The following C8A variants were observed in gnomAD, a reference collection of about 807,000 sequenced individuals.
C8A encodes complement C8 alpha chain, also known as complement component C8 alpha chain.
Under a neutral mutation model 65.3 loss-of-function variants are expected in C8A, and 67 were observed. The observed-to-expected ratio is 1.03, with a 90% CI of 0.84 to 1.26. The LOEUF (loss-of-function observed/expected upper bound fraction) is 1.26, where lower values mean the gene tolerates loss of function less well. C8A is among the 50% of genes most tolerant of loss of function. C8A has a pLI of 0.00. For missense variants in C8A, 781 were observed against 723.9 expected (o/e 1.08, Z -0.90); for synonymous variants, 290 against 259.4 (o/e 1.12, Z -1.13).
intron 7 of C8A, among the ~76,000 whole-genome samples, chr1:56,895,984 T>C (rs544189632): frequency 6.6e-6 from 1 of 152,200 alleles, no homozygotes; most frequent in South Asian, 2.1e-4. Flanking sequence ...TGAATGTGTG[T>C]AGACTGATCA....
intron 5 of C8A, among the ~76,000 whole-genome samples, chr1:56,882,997 T>G (rs1463708844): frequency 6.6e-6 from 1 of 152,154 alleles, no homozygotes; most frequent in Non-Finnish European, 1.5e-5. Flanking sequence ...AGACCATGTC[T>G]CAGTTCAAGA....
intron 5 of C8A, among the ~76,000 whole-genome samples, chr1:56,882,147 T>A (rs1291411992): frequency 6.6e-6 from 1 of 152,160 alleles, no homozygotes; most frequent in African/African-American, 2.4e-5. Context: ...TGTACAAAAA[T>A]GCTTGCAAAT....
chr1:56,908,325 C>CT (rs1644482881), intron 9 of C8A, among the ~76,000 whole-genome samples: 1 of 152,136 alleles, frequency 6.6e-6, no homozygotes, highest in Non-Finnish European at 1.5e-5. Flanking sequence ...AACTGATGAT[C>CT]TAGTCAGTGC....
At chr1:56,909,070 T>G (rs1418483259) in intron 9 of C8A, among the ~76,000 whole-genome samples, 1 of 152,218 alleles carries the variant, frequency 6.6e-6, no homozygotes, top group Non-Finnish European at 1.5e-5. Context: ...TGGCCTCAAG[T>G]GTCAATACTG....
intron 1 of C8A, among the ~76,000 whole-genome samples, chr1:56,867,170 GT>G (rs918325519): frequency 3.3e-5 from 5 of 152,084 alleles, no homozygotes. Context: ...TTTAGGTAAT[GT>G]TTTTTAATGT....
intron 1 of C8A, among the ~76,000 whole-genome samples, chr1:56,857,459 T>G (rs775875340): frequency 2.6e-5 from 4 of 152,024 alleles, no homozygotes; most frequent in Non-Finnish European, 5.9e-5. Context: ...TATGCTTGCT[T>G]TCTTATGATC....
intron 4 of C8A, 113 bp downstream of exon 4, chr1:56,876,322 G>C: frequency 8.2e-7 from 1 of 1,214,760 alleles, no homozygotes; most frequent in Non-Finnish European, 1.2e-6. Context: ...TGGAGTGCAT[G>C]CTGTGAGCTG....
chr1:56,870,156 G>T (rs554803489), intron 2 of C8A, among the ~76,000 whole-genome samples: 1 of 152,142 alleles, frequency 6.6e-6, no homozygotes, highest in African/African-American at 2.4e-5. Flanking sequence ...AAACTTGGTG[G>T]CTTAAAACAA....
intron 7 of C8A, among the ~76,000 whole-genome samples, chr1:56,896,072 TA>T (rs1473807948): frequency 6.6e-6 from 1 of 152,152 alleles, no homozygotes; most frequent in Admixed American, 6.6e-5. Context: ...TGTGCTCTAC[TA>T]ACTATAAAAA....
chr1:56,903,472 C>G (rs935734503), intron 7 of C8A, among the ~76,000 whole-genome samples: 1 of 152,156 alleles, frequency 6.6e-6, no homozygotes, highest in Admixed American at 6.5e-5. Context: ...TAAAATCACC[C>G]AGTCTTGGGT....
chr1:56,912,730 A>G (rs1016071794), intron 10 of C8A, 105 bp downstream of exon 10: 8 of 989,992 alleles, frequency 8.1e-6, no homozygotes, highest in Non-Finnish European at 1.3e-5. Flanking sequence ...GAGCTCTCCT[A>G]GCCAATACCT....
intron 7 of C8A, among the ~76,000 whole-genome samples, chr1:56,900,573 C>G: frequency 6.6e-6 from 1 of 152,132 alleles, no homozygotes; most frequent in East Asian, 1.9e-4. Flanking sequence ...TGGGTAAATT[C>G]TCCTTGTCCC....
chr1:56,894,602 A>G (rs1178209940), intron 7 of C8A, among the ~76,000 whole-genome samples: 1 of 152,154 alleles, frequency 6.6e-6, no homozygotes, highest in Non-Finnish European at 1.5e-5. Context: ...CACAATGTCT[A>G]AAAAGCTACA....
At chr1:56,858,867 C>A (rs775480259) in intron 1 of C8A, among the ~76,000 whole-genome samples, 1 of 152,164 alleles carries the variant, frequency 6.6e-6, no homozygotes, top group Middle Eastern at 3.2e-3. Context: ...GGCATCACCA[C>A]GTAGTGGCTA....
At chr1:56,884,381 G>A (rs1644273381) in intron 6 of C8A, among the ~76,000 whole-genome samples, 1 of 152,166 alleles carries the variant, frequency 6.6e-6, no homozygotes, top group Non-Finnish European at 1.5e-5. Context: ...ATGTAATCAG[G>A]TGGCCAGGGG....
chr1:56,862,066 C>T (rs540841535), intron 1 of C8A, among the ~76,000 whole-genome samples: 4 of 152,104 alleles, frequency 2.6e-5, no homozygotes, highest in African/African-American at 4.8e-5. Context: ...CAGCCCTATC[C>T]GAGTACATTC....
chr1:56,862,589 A>G (rs1644045264), intron 1 of C8A, among the ~76,000 whole-genome samples: 2 of 152,176 alleles, frequency 1.3e-5, no homozygotes, highest in South Asian at 2.1e-4. Flanking sequence ...TGCAGGGTAC[A>G]TTTTGAGAAA....
At chr1:56,915,512 G>A (rs1275324497) in intron 10 of C8A, among the ~76,000 whole-genome samples, 1 of 152,208 alleles carries the variant, frequency 6.6e-6, no homozygotes, top group Admixed American at 6.5e-5. Flanking sequence ...AGCAGGGTAT[G>A]GACTGGGTTG....
chr1:56,917,525 A>T (rs368296259), intron 10 of C8A, 40 bp from the exon 11 acceptor site: 1 of 1,612,124 alleles, frequency 6.2e-7, no homozygotes, highest in Non-Finnish European at 8.5e-7. Context: ...CTTCTTAGCC[A>T]TATGCTAACC....
Sources: allele counts gnomAD v4.1 joint callset (sites outside exome capture counted in the v4.1 genomes callset), GRCh38; gene constraint gnomAD v4.1.1; transcripts MANE v1.5; gene names NCBI Gene and HGNC (gene_info 2026-07-23, HGNC 2026-07-21).